RBBP5: variants seen among roughly 807,000 people sequenced by gnomAD.
RBBP5 encodes the protein RB binding protein 5, histone lysine methyltransferase complex subunit, also known as retinoblastoma-binding protein 5.
In RBBP5, 5 loss-of-function variants were observed where a neutral mutation model predicts 72.2. The ratio of observed to expected loss-of-function variants is 0.07; its 90% CI spans 0.04 to 0.15. The LOEUF is 0.15. Ranked by LOEUF, RBBP5 falls within the 10% of genes least tolerant of loss-of-function variation. The pLI, the probability that RBBP5 is intolerant of heterozygous loss-of-function variation, is 1.00. For synonymous variants in RBBP5, 209 were observed against 237.2 expected, an observed-to-expected ratio of 0.88 and a Z score of 1.09; for missense variants, 322 against 652.2, an observed-to-expected ratio of 0.49 and a Z score of 5.51.
chr1:205,090,157 T>C (rs557522547), intron 13 of RBBP5, among the ~76,000 whole-genome samples: 20 of 152,332 alleles, frequency 1.3e-4, no homozygotes, highest in East Asian at 5.8e-4. Flanking sequence ...CCCAGCTACA[T>C]TGATTTTTAA....
At chr1:205,095,830 A>C (rs958028728) in intron 12 of RBBP5, among the ~76,000 whole-genome samples, 16 of 152,252 alleles carry the variant, frequency 1.1e-4, no homozygotes, top group African/African-American at 2.9e-4. Flanking sequence ...TCTGAAACAG[A>C]GTAGACACAG....
chr1:205,094,278 C>A (rs950416569), intron 13 of RBBP5, among the ~76,000 whole-genome samples: 1 of 152,108 alleles, frequency 6.6e-6, no homozygotes, highest in Non-Finnish European at 1.5e-5. Context: ...GGAAAAAAAT[C>A]AAAAACCAAA....
intron 3 of RBBP5, among the ~76,000 whole-genome samples, chr1:205,110,028 T>C (rs1056963086): frequency 1.3e-5 from 2 of 151,846 alleles, no homozygotes; most frequent in African/African-American, 4.8e-5. Context: ...ACTAGTTCTG[T>C]TTTGTTTTTT....
chr1:205,105,266 C>T, intron 3 of RBBP5, 98 bp from the exon 4 acceptor site: 3 of 1,378,772 alleles, frequency 2.2e-6, no homozygotes, highest in Middle Eastern at 4.0e-4. Flanking sequence ...TGCAACTGCA[C>T]AGGTCAACAA....
intron 5 of RBBP5, among the ~76,000 whole-genome samples, 185 bp from the exon 6 acceptor site, chr1:205,101,894 CTTTTTTT>C (rs10562809): frequency 1.7e-5 from 2 of 119,744 alleles, no homozygotes; most frequent in African/African-American, 3.0e-5. Context: ...TTAATCTAGT[CTTTTTTT>C]TTTTTTTTTT....
At chr1:205,095,132 G>T in intron 12 of RBBP5, 68 bp from the exon 13 acceptor site, 1 of 1,434,792 alleles carries the variant, frequency 7.0e-7, no homozygotes, top group Non-Finnish European at 9.7e-7. Flanking sequence ...CCACAACTTT[G>T]TTGAGCAAAG....
At chr1:205,121,121 A>C (rs1656720729) in intron 1 of RBBP5, among the ~76,000 whole-genome samples, 1 of 152,228 alleles carries the variant, frequency 6.6e-6, no homozygotes, top group Non-Finnish European at 1.5e-5. Flanking sequence ...AAGTCCTTGA[A>C]AACCTCAGCT....
intron 10 of RBBP5, 99 bp downstream of exon 10, chr1:205,098,890 G>T: frequency 1.8e-4 from 110 of 612,656 alleles, no homozygotes; most frequent in Middle Eastern, 3.8e-4. Flanking sequence ...GGGCATTTTA[G>T]ATGAAGTGCT....
At chr1:205,116,739 G>A (rs1656538935) in intron 1 of RBBP5, among the ~76,000 whole-genome samples, 1 of 152,298 alleles carries the variant, frequency 6.6e-6, no homozygotes, top group South Asian at 2.1e-4. Context: ...ACTTGAACCT[G>A]GGAGACGGAG....
chr1:205,097,461 A>C (rs1558572841), intron 10 of RBBP5, 66 bp from the exon 11 acceptor site: 1 of 1,438,358 alleles, frequency 7.0e-7, no homozygotes, highest in Non-Finnish European at 9.6e-7. Context: ...TTGCAGCTTC[A>C]AGGTTTTCAT....
rs1263258542 is a variant in RBBP5, at chr1:205,097,036, G to C, written c.1167-125C>G. On this transcript the variant is annotated intron_variant, in intron 11 of 13. Transcript: ENST00000264515. ...GGTATGGATCTAGAACTTTAAGAAA[G>C]CCAAGAAGAATAAAAGGGAATCAAA... The C allele has an allele frequency of 1.9e-5, 16 of 840,860 alleles. No individual in the cohort carries two copies. The East Asian group carries it at 4.1e-4, about 22-fold the overall frequency. 52.1% of individuals were successfully genotyped at this position (840,860 alleles called of 1,614,324 possible). A position where few individuals can be genotyped will look rare whatever the true frequency, so the allele number is the denominator to read the frequency against.
At position 205,104,025 on chromosome 1, in the gene RBBP5, T is replaced by C. The variant is rs749613573; in HGVS notation, c.360-6A>G. 1 of 1,611,960 alleles carries C rather than the reference T, an allele frequency of 6.2e-7. No individual in the cohort carries two copies. The highest frequency in any genetic ancestry group is 1.1e-5 in the South Asian group (1 of 91,046). Reference sequence around the variant, plus strand: ...GACACACGAGAACCTTGTTCCTGTTTAAAAATACGAACAGTACATTGGCTG... The same window carrying C: ...GACACACGAGAACCTTGTTCCTGTTCAAAAATACGAACAGTACATTGGCTG... On this transcript the variant is annotated splice_region_variant and splice_polypyrimidine_tract_variant and intron_variant, in intron 4 of 13. Coordinates refer to ENST00000264515, the MANE Select transcript of RBBP5 (RefSeq NM_005057.4).
chr1:205,115,969 G>C, intron 1 of RBBP5, 86 bp from the exon 2 acceptor site: 1 of 1,612,806 alleles, frequency 6.2e-7, no homozygotes, highest in Non-Finnish European at 8.5e-7. Flanking sequence ...AGCAGTGGCT[G>C]ACAAAACGAA....
chr1:205,119,702 C>T (rs537760066), intron 1 of RBBP5, among the ~76,000 whole-genome samples: 5 of 152,326 alleles, frequency 3.3e-5, no homozygotes, highest in Admixed American at 6.5e-5. Context: ...TCTATGAAGA[C>T]GCCACACCAA....
At position 205,086,497 on chromosome 1, in the gene RBBP5, C is replaced by G. The variant is rs1227005568; in HGVS notation, c.*2290G>C. 1 of 151,728 alleles carries G rather than the reference C, an allele frequency of 6.6e-6. No homozygotes were observed. The highest frequency in any genetic ancestry group is 1.9e-4 in the East Asian group (1 of 5,172). The allele number at this position is 151,728 out of a possible 1,614,324, so 9.4% of individuals were successfully genotyped here. A position where few individuals can be genotyped will look rare whatever the true frequency, so the allele number is the denominator to read the frequency against. On this transcript the variant is annotated 3_prime_UTR_variant, in exon 14 of 14. Transcript: ENST00000264515. ...GATGATCCACCAGCCTCGGCCTCCC[C>G]AAGTGCTGGGATTACAGGTGTGAGC... is the stretch of plus-strand genomic sequence containing the variant.
intron 4 of RBBP5, 149 bp downstream of exon 4, chr1:205,104,879 G>T: frequency 2.2e-6 from 2 of 894,560 alleles, no homozygotes; most frequent in Non-Finnish European, 3.3e-6. Context: ...ATTCAGTAGA[G>T]CCAACCTAGA....
At chr1:205,098,564 C>G (rs937932859) in intron 10 of RBBP5, among the ~76,000 whole-genome samples, 1 of 152,062 alleles carries the variant, frequency 6.6e-6, no homozygotes, top group African/African-American at 2.4e-5. Flanking sequence ...GGTTCATAGG[C>G]CAGGCACAGT....
chr1:205,099,026 AT>A lies in RBBP5; in HGVS notation c.1058del (p.Asp353ValfsTer56), dbSNP rs1655722496. 6.2e-7 allele frequency: 1 copy of A among 1,611,730 alleles called. No homozygotes were observed. Among genetic ancestry groups the A allele is most frequent in the African/African-American group, 1.3e-5 (1 of 74,786 alleles). Reference sequence around the variant, plus strand: ...GCTCACTCTTATCTTCATCTTCAATATCAAACTCTGATTCCCTTTCTTCGTA... The same window carrying A: ...GCTCACTCTTATCTTCATCTTCAATACAAACTCTGATTCCCTTTCTTCGTA... ...VEYEERESEF[D>X]IEDEDKSEPE... On this transcript the variant is annotated frameshift_variant, in exon 10 of 14. Coordinates refer to ENST00000264515, the MANE Select transcript of RBBP5 (RefSeq NM_005057.4). LOFTEE classifies it high-confidence loss of function. This position sits in a 1 kb window ranked among gnomAD's most constrained non-coding sequence, Gnocchi z 4.7.
Position 205,105,096 on chromosome 1 carries a change from T to C in RBBP5, c.291A>G (p.Ser97=). The change falls in exon 4 of 14, where the codon TCA becomes TCG. Residue 97 remains serine, a synonymous_variant. Transcript: ENST00000264515. ...DNIVSQWDVL[S]GDCDQRFRFP... ...ATCGAAACCTCTGGTCACAGTCGCCTGAAAGAACATCCCACTGTGACACTA... is the reference window on the plus strand; with the variant it reads ...ATCGAAACCTCTGGTCACAGTCGCCCGAAAGAACATCCCACTGTGACACTA... 1.9e-6 allele frequency: 3 copies of C among 1,613,962 alleles called. No homozygotes were observed. The highest frequency in any genetic ancestry group is 2.5e-6 in the Non-Finnish European group (3 of 1,179,988).
Sources: gnomAD v4.1 joint callset for allele counts (sites outside exome capture counted in the v4.1 genomes callset) on GRCh38, gnomAD v4.1.1 for gene constraint, Gnocchi (gnomAD v3.1) non-coding constraint, MANE v1.5 for transcripts, NCBI Gene and HGNC (gene_info 2026-07-23, HGNC 2026-07-21) for gene names.